The following GAN variants were observed in gnomAD, a reference collection of about 807,000 sequenced individuals.
GAN encodes epididymis secretory sperm binding protein.
In GAN, 48 loss-of-function variants were observed where a neutral mutation model predicts 71.3. That is an observed-to-expected ratio of 0.67 (90% CI 0.53 to 0.86). The LOEUF is 0.86. GAN is among the 40% of genes least tolerant of loss of function. GAN has a pLI of 0.00. For missense variants in GAN, 928 were observed against 770.1 expected (o/e 1.21, Z -2.43); for synonymous variants, 386 against 276.8 (o/e 1.39, Z -3.92).
intron 1 of GAN, among the ~76,000 whole-genome samples, chr16:81,338,795 G>T (rs17188615): frequency 6.6e-6 from 1 of 152,078 alleles, no homozygotes; most frequent in South Asian, 2.1e-4. Flanking sequence ...GACTGCTTCC[G>T]GATAGATTTG....
At chr16:81,332,225 C>G (rs138805705) in intron 1 of GAN, among the ~76,000 whole-genome samples, 4 of 151,412 alleles carry the variant, frequency 2.6e-5, no homozygotes, top group African/African-American at 9.7e-5. Flanking sequence ...CTTTCAGGAA[C>G]TGGCAAGCAA....
intron 9 of GAN, among the ~76,000 whole-genome samples, chr16:81,367,911 A>T (rs763924823): frequency 2.0e-5 from 3 of 152,212 alleles, no homozygotes; most frequent in African/African-American, 7.2e-5. Context: ...ATAACTATCG[A>T]TAGAACAAAA....
intron 1 of GAN, among the ~76,000 whole-genome samples, chr16:81,343,465 A>G (rs1025879844): frequency 6.6e-5 from 10 of 152,234 alleles, no homozygotes; most frequent in African/African-American, 2.2e-4. Context: ...GGTTCAACAT[A>G]TGCAAATCAA....
intron 1 of GAN, among the ~76,000 whole-genome samples, chr16:81,336,602 C>A (rs2150675409): frequency 6.6e-6 from 1 of 151,460 alleles, no homozygotes; most frequent in South Asian, 2.1e-4. Flanking sequence ...TAGCTAGGAC[C>A]ACAGGTGTGC....
chr16:81,376,776 G>A (rs1252746233), intron 9 of GAN, among the ~76,000 whole-genome samples: 1 of 152,036 alleles, frequency 6.6e-6, no homozygotes, highest in East Asian at 1.9e-4. Flanking sequence ...TACTTGGAAG[G>A]CTGGGGTGGG....
At chr16:81,317,399 G>C (rs1027855490) in intron 1 of GAN, among the ~76,000 whole-genome samples, 4 of 152,232 alleles carry the variant, frequency 2.6e-5, no homozygotes, top group Non-Finnish European at 2.9e-5. Flanking sequence ...GCTGTGAGTT[G>C]CTGGTAGATG....
Position 81,379,145 on chromosome 16 carries a change from T to C in GAN, c.*1549T>C, listed in dbSNP as rs1405227722. ...TTTTAAGTCGAGAACAGGAATTTCT[T>C]CTAGAAACTTCCTGTATGGAACGTT... On this transcript the variant is annotated 3_prime_UTR_variant, in exon 11 of 11. Transcript: ENST00000648994. The C allele has an allele frequency of 6.6e-6, 1 of 152,226 alleles. No individual in the cohort carries two copies. Among genetic ancestry groups the C allele is most frequent in the Non-Finnish European group, 1.5e-5 (1 of 68,036 alleles). The allele number at this position is 152,226 out of a possible 1,614,324, so 9.4% of individuals were successfully genotyped here.
At chr16:81,329,357 C>G (rs1909496869) in intron 1 of GAN, among the ~76,000 whole-genome samples, 1 of 152,110 alleles carries the variant, frequency 6.6e-6, no homozygotes, top group South Asian at 2.1e-4. Context: ...TTGCCGCCCT[C>G]AAATGTGGCC....
In GAN at chr16:81,389,543, G is replaced by C. The variant is rs1166632897; in HGVS notation, c.*11947G>C. 1 of 152,232 alleles carries C rather than the reference G, an allele frequency of 6.6e-6. No homozygotes were observed. Among genetic ancestry groups the C allele is most frequent in the Non-Finnish European group, 1.5e-5 (1 of 68,072 alleles). 9.4% of individuals were successfully genotyped at this position (152,232 alleles called of 1,614,324 possible). The stretch of plus-strand genomic sequence containing the variant: ...AAACGGTATCGCGGATGCTCCTCAG[G>C]TAGGCGTAGGCAGACTTCATTGTGT... On this transcript the variant is annotated 3_prime_UTR_variant, in exon 11 of 11. Transcript: ENST00000648994.
Position 81,350,472 on chromosome 16 carries a change from G to T in GAN, c.168-1111G>T, listed in dbSNP as rs1186704078. Among the ~76,000 whole-genome samples, 71 of 151,970 alleles carry T rather than the reference G, an allele frequency of 4.7e-4. 1 individual carries two copies. Among genetic ancestry groups the T allele is most frequent in the Admixed American group, 4.7e-3 (71 of 15,250 alleles). On this transcript the variant is annotated intron_variant, in intron 1 of 10. Coordinates refer to ENST00000648994, the MANE Select transcript of GAN (RefSeq NM_022041.4). ...AAGTAGCATAATTCTACTCCCAGGA[G>T]TAGACCCAAGGGAAATTTTTGTTTA... is the stretch of plus-strand genomic sequence containing the variant.
chr16:81,342,470 C>G (rs1185011484), intron 1 of GAN, among the ~76,000 whole-genome samples: 1 of 152,178 alleles, frequency 6.6e-6, no homozygotes, highest in Non-Finnish European at 1.5e-5. Context: ...ATTCAGGATT[C>G]AGACTCTCAC....
Position 81,389,318 on chromosome 16 carries a change from A to C in GAN, c.*11722A>C, listed in dbSNP as rs2150705042. On this transcript the variant is annotated 3_prime_UTR_variant, in exon 11 of 11. Transcript: ENST00000648994. ...ACCCCTTCAGTTCGCCGGCGACGTAATGGTGATACCCTTTGTTTTTTGTAT... is the reference window on the plus strand; with the variant it reads ...ACCCCTTCAGTTCGCCGGCGACGTACTGGTGATACCCTTTGTTTTTTGTAT... 1 of 152,298 alleles carries C rather than the reference A, an allele frequency of 6.6e-6. No homozygotes were observed. Among genetic ancestry groups the C allele is most frequent in the East Asian group, 1.9e-4 (1 of 5,178 alleles). The allele number at this position is 152,298 out of a possible 1,614,324, so 9.4% of individuals were successfully genotyped here. A position where few individuals can be genotyped will look rare whatever the true frequency, so the allele number is the denominator to read the frequency against.
chr16:81,331,354 T>A (rs1909571292), intron 1 of GAN, among the ~76,000 whole-genome samples: 1 of 152,224 alleles, frequency 6.6e-6, no homozygotes, highest in South Asian at 2.1e-4. Flanking sequence ...GGGACTAGAT[T>A]GGATCCTAGA....
chr16:81,352,533 T>C lies in GAN; in HGVS notation c.282+836T>C, dbSNP rs79487172. ...ATCTTTATTCTTTCTGAGATCTTGTTCCCTACTCTCTCCTTTATTCTTTCT... is the reference window on the plus strand; with the variant it reads ...ATCTTTATTCTTTCTGAGATCTTGTCCCCTACTCTCTCCTTTATTCTTTCT... On this transcript the variant is annotated intron_variant, in intron 2 of 10. Transcript: ENST00000648994. Among the ~76,000 whole-genome samples, 439 of 152,336 alleles carry C rather than the reference T, an allele frequency of 2.9e-3. 1 individual carries two copies. Among genetic ancestry groups the C allele is most frequent in the African/African-American group, 0.01 (424 of 41,580 alleles).
chr16:81,320,865 C>T (rs1431899534), intron 1 of GAN, among the ~76,000 whole-genome samples: 1 of 152,056 alleles, frequency 6.6e-6, no homozygotes, highest in Non-Finnish European at 1.5e-5. Flanking sequence ...TGAAATTTGT[C>T]CAGAAGGTCT....
rs1180553107 is a variant in GAN at position 81,384,818 on chromosome 16, C to T, written c.*7222C>T. On this transcript the variant is annotated 3_prime_UTR_variant, in exon 11 of 11. Transcript: ENST00000648994. ...TCTGCACTCCACACGTGGTCGCCTC[C>T]ATCCTCCCTAGTGTCTGTCAGCTTG... is the stretch of plus-strand genomic sequence containing the variant. The T allele has an allele frequency of 6.6e-6, 1 of 152,290 alleles. No homozygotes were observed. Among genetic ancestry groups the T allele is most frequent in the Non-Finnish European group, 1.5e-5 (1 of 68,034 alleles). 9.4% of individuals were successfully genotyped at this position (152,290 alleles called of 1,614,324 possible). A position where few individuals can be genotyped will look rare whatever the true frequency, so the allele number is the denominator to read the frequency against.
chr16:81,347,703 TTAAAG>T (rs1338153795), intron 1 of GAN, among the ~76,000 whole-genome samples: 1 of 152,256 alleles, frequency 6.6e-6, no homozygotes, highest in South Asian at 2.1e-4. Flanking sequence ...TTTCAGAATT[TTAAAG>T]TAATTTCTTC....
chr16:81,356,332 C>G (rs1010746196), intron 3 of GAN, among the ~76,000 whole-genome samples: 38 of 151,568 alleles, frequency 2.5e-4, no homozygotes, highest in African/African-American at 9.0e-4. Flanking sequence ...TAAACTTTGG[C>G]TTTTGTATAT....
intron 9 of GAN, among the ~76,000 whole-genome samples, chr16:81,368,249 C>T (rs187471939): frequency 6.6e-6 from 1 of 152,166 alleles, no homozygotes; most frequent in Non-Finnish European, 1.5e-5. Flanking sequence ...ATTTCTGTTC[C>T]TTGTGTCCAT....
Sources: gnomAD v4.1 joint callset for allele counts (sites outside exome capture counted in the v4.1 genomes callset) on GRCh38, gnomAD v4.1.1 for gene constraint, MANE v1.5 for transcripts, NCBI Gene and HGNC (gene_info 2026-07-23, HGNC 2026-07-21) for gene names.